METTL15: variants seen among roughly 807,000 people sequenced by gnomAD.
METTL15 encodes 12S rRNA N(4)-cytidine methyltransferase METTL15.
A neutral mutation model predicts 38.3 loss-of-function variants in METTL15; 34 were observed. The observed-to-expected ratio is 0.89, with a 90% CI of 0.68 to 1.18. METTL15 has a LOEUF of 1.18. Ranked by LOEUF, METTL15 falls within the 50% of genes most tolerant of loss-of-function variation. METTL15 has a pLI of 0.00. For synonymous variants in METTL15, 162 were observed against 170.9 expected (o/e 0.95, Z 0.41); for missense variants, 438 against 498.4 (o/e 0.88, Z 1.15).
intron 4 of METTL15, among the ~76,000 whole-genome samples, chr11:28,358,300 C>A (rs998533384): frequency 9.2e-5 from 14 of 152,144 alleles, no homozygotes; most frequent in African/African-American, 3.4e-4. Context: ...AGTAGAGAAT[C>A]CAGCCATGCT....
chr11:28,430,919 G>A (rs1169826739), intron 6 of METTL15, among the ~76,000 whole-genome samples: 6 of 111,094 alleles, frequency 5.4e-5, no homozygotes, highest in South Asian at 3.1e-4. Flanking sequence ...TCAGCCCCCC[G>A]CCCGGCCAGC....
At position 28,501,717 on chromosome 11, in the gene METTL15, T is replaced by C. The variant is rs968381972; in HGVS notation, c.*425-24761T>C. Among the ~76,000 whole-genome samples, 10 of 152,220 alleles carry C rather than the reference T, an allele frequency of 6.6e-5. No homozygotes were observed. In the East Asian group the frequency reaches 1.9e-3, roughly 29 times the overall value. ...ACTCTCAGGAGTAAGACCAGTCTCA[T>C]GTCAGTGGTCATTAGTCCAGGGAGC... On this transcript the variant is annotated intron_variant and NMD_transcript_variant, in intron 6 of 7. Transcript: ENST00000532947.
intron 4 of METTL15, among the ~76,000 whole-genome samples, chr11:28,361,494 A>C (rs2133368220): frequency 6.6e-6 from 1 of 152,306 alleles, no homozygotes; most frequent in Non-Finnish European, 1.5e-5. Flanking sequence ...TTTATTTAAA[A>C]CAAAGTGAAC....
intron 4 of METTL15, among the ~76,000 whole-genome samples, chr11:28,285,677 T>G (rs1199844294): frequency 6.6e-6 from 1 of 152,220 alleles, no homozygotes; most frequent in Non-Finnish European, 1.5e-5. Context: ...CTCTCTACTT[T>G]GCTTTCTATA....
intron 6 of METTL15, among the ~76,000 whole-genome samples, chr11:28,431,810 A>AAAAAAAAAAAAAAAAAAAAG (rs1850933877): frequency 3.0e-4 from 2 of 6,752 alleles, no homozygotes; most frequent in Non-Finnish European, 2.4e-3. Context: ...AAAAAAAAGA[A>AAAAAAAAAAAAAAAAAAAAG]AAAAAAAAAA....
At chr11:28,152,904 G>T (rs541612820) in intron 3 of METTL15, among the ~76,000 whole-genome samples, 4 of 152,136 alleles carry the variant, frequency 2.6e-5, no homozygotes, top group African/African-American at 9.6e-5. Context: ...TGGGAAAGGG[G>T]TGGGCAGTTC....
chr11:28,329,200 G>A lies in METTL15; in HGVS notation c.779-1196G>A, dbSNP rs186729533. Among the ~76,000 whole-genome samples, 3 of 152,150 alleles carry A rather than the reference G, an allele frequency of 2.0e-5. No individual in the cohort carries two copies. The East Asian group carries it at 5.8e-4, about 29-fold the overall frequency. On this transcript the variant is annotated intron_variant, in intron 6 of 6. Transcript: ENST00000407364. ...CTATCCAATTGCCTCCGCATCATTT[G>A]TTCAAAAGGCTTTTCCCAATTGAAT...
intron 5 of METTL15, among the ~76,000 whole-genome samples, chr11:28,390,098 G>A: frequency 6.6e-6 from 1 of 151,386 alleles, no homozygotes; most frequent in East Asian, 1.9e-4. Flanking sequence ...TTGTAAATTT[G>A]TTTGAGTTCA....
chr11:28,227,460 A>C (rs960871759), intron 4 of METTL15, among the ~76,000 whole-genome samples: 4 of 151,830 alleles, frequency 2.6e-5, no homozygotes, highest in African/African-American at 9.7e-5. Context: ...AAGATCAATG[A>C]TAGTTAGCTG....
chr11:28,343,005 T>C (rs552246129), intron 3 of METTL15, among the ~76,000 whole-genome samples: 7 of 152,304 alleles, frequency 4.6e-5, no homozygotes, highest in African/African-American at 1.7e-4. Context: ...AGAGAATATG[T>C]CCTCTTCCTG....
chr11:28,120,630 C>G (rs1852188723), intron 3 of METTL15, among the ~76,000 whole-genome samples: 1 of 152,104 alleles, frequency 6.6e-6, no homozygotes, highest in African/African-American at 2.4e-5. Flanking sequence ...CCTATTTCTT[C>G]AACTTCTGTT....
chr11:28,283,634 G>A (rs1032756461), intron 4 of METTL15, among the ~76,000 whole-genome samples: 15 of 152,154 alleles, frequency 9.9e-5, no homozygotes, highest in African/African-American at 3.6e-4. Flanking sequence ...TGTACTACAA[G>A]TGCAGATGAC....
At chr11:28,224,987 C>T (rs1853413572) in intron 4 of METTL15, among the ~76,000 whole-genome samples, 1 of 151,540 alleles carries the variant, frequency 6.6e-6, no homozygotes, top group East Asian at 1.9e-4. Context: ...ATTTATTCAT[C>T]ACTGACTTTA....
chr11:28,270,069 A>G (rs557060347), intron 4 of METTL15, among the ~76,000 whole-genome samples: 18 of 152,186 alleles, frequency 1.2e-4, no homozygotes, highest in Non-Finnish European at 2.1e-4. Flanking sequence ...TTCCTGAGTG[A>G]CACCTTAAAT....
At chr11:28,433,664 T>A (rs1850956339) in intron 6 of METTL15, among the ~76,000 whole-genome samples, 1 of 152,182 alleles carries the variant, frequency 6.6e-6, no homozygotes, top group African/African-American at 2.4e-5. Context: ...AATTATTTGG[T>A]TCTTCATGGA....
chr11:28,124,647 G>C (rs180814065), intron 3 of METTL15, among the ~76,000 whole-genome samples: 2 of 152,134 alleles, frequency 1.3e-5, no homozygotes, highest in East Asian at 3.9e-4. Context: ...TTGAAGAAAT[G>C]GAGTGTTAAT....
chr11:28,282,971 T>C (rs1856112688), intron 4 of METTL15, among the ~76,000 whole-genome samples: 1 of 152,192 alleles, frequency 6.6e-6, no homozygotes. Flanking sequence ...TATTAATCAT[T>C]TTCATGGACC....
chr11:28,230,537 G>A (rs1415597605), intron 4 of METTL15, among the ~76,000 whole-genome samples: 1 of 151,742 alleles, frequency 6.6e-6, no homozygotes, highest in Non-Finnish European at 1.5e-5. Flanking sequence ...ATTTTATCTT[G>A]GGTAAATAAT....
chr11:28,469,956 GAATATATT>G (rs1275337695), intron 6 of METTL15, among the ~76,000 whole-genome samples: 3 of 151,970 alleles, frequency 2.0e-5, no homozygotes, highest in African/African-American at 7.3e-5. Context: ...ATATATTCAT[GAATATATT>G]CTAACTTACC....
Sources: gnomAD v4.1 joint callset for allele counts (sites outside exome capture counted in the v4.1 genomes callset) on GRCh38, gnomAD v4.1.1 for gene constraint, MANE v1.5 for transcripts, NCBI Gene and HGNC (gene_info 2026-07-23, HGNC 2026-07-21) for gene names.